TGS1: variants seen among roughly 807,000 people sequenced by gnomAD.
TGS1 encodes trimethylguanosine synthase.
TGS1 carries 69 observed loss-of-function variants against 92.2 expected under a neutral mutation model. The observed-to-expected ratio is 0.75, with a 90% CI of 0.62 to 0.91. The LOEUF is 0.91. Among genes scored for constraint, TGS1 ranks in the 40% least tolerant of loss-of-function variants. The probability of loss-of-function intolerance (pLI) is 0.00; values close to 1 mark genes in which losing one functional copy is unlikely to be tolerated. For missense variants in TGS1, 1,062 were observed against 1,001.2 expected (o/e 1.06, Z -0.82); for synonymous variants, 345 against 338.1 (o/e 1.02, Z -0.22).
intron 1 of TGS1, among the ~76,000 whole-genome samples, chr8:55,778,508 T>TA (rs1438606497): frequency 2.0e-5 from 3 of 152,216 alleles, no homozygotes; most frequent in African/African-American, 7.2e-5. Context: ...CTGAAGAGCC[T>TA]ATATTTCCCT....
At chr8:55,822,041 TAACAAC>T (rs576512580) in intron 12 of TGS1, among the ~76,000 whole-genome samples, 156 of 151,770 alleles carry the variant, frequency 1.0e-3, no homozygotes, top group African/African-American at 3.6e-3. Flanking sequence ...ATGGCTTTCT[TAACAAC>T]AACAATATTG....
intron 1 of TGS1, 136 bp downstream of exon 1, chr8:55,773,855 A>G: frequency 1.5e-6 from 1 of 667,966 alleles, no homozygotes; most frequent in Non-Finnish European, 2.5e-6. Flanking sequence ...GTTTAAGAAA[A>G]ACAAAACCCT....
chr8:55,802,341 C>G, intron 8 of TGS1, 116 bp from the exon 9 acceptor site: 7 of 800,810 alleles, frequency 8.7e-6, no homozygotes, highest in Non-Finnish European at 1.4e-5. Flanking sequence ...CTGGGCGTGT[C>G]ATTATATACA....
In TGS1 at chr8:55,813,029, C is replaced by G. The variant is rs761076259; in HGVS notation, c.2361-11C>G. On this transcript the variant is annotated splice_polypyrimidine_tract_variant and intron_variant, in intron 11 of 12. Transcript: ENST00000260129. ...TGCTGTTTTCATTATTTTTCCTTAACTGCTGTCCACCTTTGAAATTTTCAG... is the reference window on the plus strand; with the variant it reads ...TGCTGTTTTCATTATTTTTCCTTAAGTGCTGTCCACCTTTGAAATTTTCAG... 1.3e-6 allele frequency: 2 copies of G among 1,581,612 alleles called. No individual in the cohort carries two copies. Among genetic ancestry groups the G allele is most frequent in the South Asian group, 2.2e-5 (2 of 89,820 alleles).
chr8:55,818,021 G>A (rs1428398971), intron 12 of TGS1, among the ~76,000 whole-genome samples: 2 of 152,200 alleles, frequency 1.3e-5, no homozygotes, highest in Non-Finnish European at 2.9e-5. Flanking sequence ...GGCTATGGAG[G>A]TATGGTGATT....
rs1172279014 is a variant in TGS1, at chr8:55,824,580, G to C, written c.2440-1G>C. ...TGACTTTCTTCTGTTCATCTTTTTA[G>C]GTGGCATCCTTAGCTGGGCCTGGAG... On this transcript the variant is annotated splice_acceptor_variant, in intron 12 of 12. Coordinates refer to ENST00000260129, the MANE Select transcript of TGS1 (RefSeq NM_024831.8). LOFTEE classifies it high-confidence loss of function. 1 of 1,613,938 alleles carries C rather than the reference G, an allele frequency of 6.2e-7. No individual in the cohort carries two copies. The highest frequency in any genetic ancestry group is 8.5e-7 in the Non-Finnish European group (1 of 1,179,988).
chr8:55,810,216 G>A (rs1803302015), intron 10 of TGS1, among the ~76,000 whole-genome samples: 2 of 152,182 alleles, frequency 1.3e-5, no homozygotes, highest in Admixed American at 1.3e-4. Flanking sequence ...AGTATACTGA[G>A]TAGTTTACTG....
chr8:55,782,616 G>A, intron 1 of TGS1, 132 bp from the exon 2 acceptor site: 1 of 606,140 alleles, frequency 1.6e-6, no homozygotes, highest in Non-Finnish European at 2.8e-6. Context: ...ATAAGTGAGG[G>A]AAATGTATTA....
chr8:55,814,302 G>T (rs1456762104), intron 12 of TGS1, among the ~76,000 whole-genome samples: 1 of 152,036 alleles, frequency 6.6e-6, no homozygotes, highest in African/African-American at 2.4e-5. Context: ...AAGATTCTCT[G>T]TTTTCTAGGA....
At chr8:55,793,749 T>G (rs1811953794) in intron 6 of TGS1, among the ~76,000 whole-genome samples, 1 of 144,072 alleles carries the variant, frequency 6.9e-6, no homozygotes, top group Admixed American at 6.7e-5. Context: ...TTTATTTATT[T>G]ATTTATTTAT....
chr8:55,811,845 A>C (rs1245889440), intron 11 of TGS1, among the ~76,000 whole-genome samples: 1 of 152,210 alleles, frequency 6.6e-6, no homozygotes, highest in Non-Finnish European at 1.5e-5. Flanking sequence ...TTTACATAAA[A>C]AGCAGGTATG....
rs541313831 is a variant in TGS1, at chr8:55,791,676, CTCT to C, written c.1281-1017_1281-1015del. Among the ~76,000 whole-genome samples, 549 of 152,314 alleles carry C rather than the reference CTCT, an allele frequency of 3.6e-3. 2 individuals carry two copies. The highest frequency in any genetic ancestry group is 5.9e-3 in the Non-Finnish European group (401 of 68,032). ...CTCAGTGAAACTCTAACCTTTTCCT[CTCT>C]TCTTTGGACATTTCATGAGGCCACC... On this transcript the variant is annotated intron_variant, in intron 5 of 12. Coordinates refer to ENST00000260129, the MANE Select transcript of TGS1 (RefSeq NM_024831.8).
chr8:55,785,098 T>TC (rs1231807185), intron 2 of TGS1, among the ~76,000 whole-genome samples: 5 of 151,432 alleles, frequency 3.3e-5, no homozygotes, highest in African/African-American at 1.2e-4. Flanking sequence ...AGAGTCTCGC[T>TC]CTCTCACCCA....
chr8:55,808,804 CT>C, intron 10 of TGS1, among the ~76,000 whole-genome samples: 1 of 152,174 alleles, frequency 6.6e-6, no homozygotes, highest in Admixed American at 6.5e-5. Context: ...GCCACCACCC[CT>C]AGCCTGTAGT....
intron 1 of TGS1, among the ~76,000 whole-genome samples, chr8:55,773,961 A>G (rs1811300892): frequency 2.0e-5 from 3 of 152,342 alleles, no homozygotes; most frequent in South Asian, 4.1e-4. Flanking sequence ...TAGGTGCTAT[A>G]TGTCATCTCA....
Position 55,825,120 on chromosome 8 carries a change from C to T in TGS1, c.*417C>T, listed in dbSNP as rs1254015607. The T allele has an allele frequency of 6.4e-6, 1 of 156,028 alleles. No individual in the cohort carries two copies. The highest frequency in any genetic ancestry group is 1.4e-5 in the Non-Finnish European group (1 of 70,800). The allele number at this position is 156,028 out of a possible 1,614,324, so 9.7% of individuals were successfully genotyped here. On this transcript the variant is annotated 3_prime_UTR_variant, in exon 13 of 13. Transcript: ENST00000260129. ...TATTTTTTGTAGAGACGAGGTCCCACCATGTTGCCCAGGCTGGTGTCAAAC... is the reference window on the plus strand; with the variant it reads ...TATTTTTTGTAGAGACGAGGTCCCATCATGTTGCCCAGGCTGGTGTCAAAC...
rs1366664461 is a variant in TGS1 at position 55,825,286 on chromosome 8, T to G, written c.*583T>G. The G allele has an allele frequency of 6.6e-6, 1 of 152,220 alleles. No homozygotes were observed. The highest frequency in any genetic ancestry group is 1.5e-5 in the Non-Finnish European group (1 of 68,042). The allele number at this position is 152,220 out of a possible 1,614,324, so 9.4% of individuals were successfully genotyped here. ...ATATGAATACATTTATTTAGACTTT[T>G]TCTAGAACTTTCCTGTTTTCATGTC... On this transcript the variant is annotated 3_prime_UTR_variant, in exon 13 of 13. Transcript: ENST00000260129.
intron 7 of TGS1, among the ~76,000 whole-genome samples, chr8:55,798,708 A>G (rs4737418): frequency 0.47 from 71,406 of 151,996 alleles, 17,087 homozygotes; most frequent in East Asian, 0.6. Context: ...CCTTTTAAAG[A>G]AAACTTTTAA....
At chr8:55,781,191 CTT>C (rs1242564378) in intron 1 of TGS1, among the ~76,000 whole-genome samples, 1 of 151,976 alleles carries the variant, frequency 6.6e-6, no homozygotes, top group East Asian at 1.9e-4. Flanking sequence ...ATATGTAACA[CTT>C]TTAAAAACTA....
Sources: gnomAD v4.1 joint callset for allele counts (sites outside exome capture counted in the v4.1 genomes callset) on GRCh38, gnomAD v4.1.1 for gene constraint, MANE v1.5 for transcripts, NCBI Gene and HGNC (gene_info 2026-07-23, HGNC 2026-07-21) for gene names.